Variants in MSRA observed in about 807,000 individuals in gnomAD.
MSRA encodes mitochondrial peptide methionine sulfoxide reductase.
A neutral mutation model predicts 31.3 loss-of-function variants in MSRA; 54 were observed. The ratio of observed to expected loss-of-function variants is 1.73; its 90% CI spans 1.39 to 2.17. MSRA has a LOEUF of 2.17. MSRA is among the 30% of genes most tolerant of loss of function. The probability of loss-of-function intolerance (pLI) is 0.00; values close to 1 mark genes in which losing one functional copy is unlikely to be tolerated. For missense variants in MSRA, 507 were observed against 300.9 expected (o/e 1.69, Z -5.07); for synonymous variants, 169 against 116.5 (o/e 1.45, Z -2.90).
intron 4 of MSRA, 83 bp downstream of exon 4, chr8:10,301,721 G>T (rs1401441419): frequency 8.9e-7 from 1 of 1,121,770 alleles, no homozygotes; most frequent in South Asian, 1.4e-5. Flanking sequence ...TGGAAGAGAT[G>T]AACCTTGAAA....
chr8:10,153,839 A>G (rs191807197), intron 1 of MSRA, among the ~76,000 whole-genome samples: 42 of 152,334 alleles, frequency 2.8e-4, no homozygotes, highest in Admixed American at 1.0e-3. Context: ...TCATATTCTT[A>G]ATTTCAATCC....
chr8:10,365,702 G>T (rs1292295689), intron 5 of MSRA, among the ~76,000 whole-genome samples: 1 of 152,218 alleles, frequency 6.6e-6, no homozygotes, highest in Non-Finnish European at 1.5e-5. Context: ...GTTTCAGGGA[G>T]AAGGGATCAC....
chr8:10,072,752 A>C (rs1264492089), intron 1 of MSRA, among the ~76,000 whole-genome samples: 1 of 152,226 alleles, frequency 6.6e-6, no homozygotes, highest in Non-Finnish European at 1.5e-5. Context: ...CCATTTATTT[A>C]AGTTGCCTTC....
intron 3 of MSRA, among the ~76,000 whole-genome samples, chr8:10,292,485 T>C (rs970710394): frequency 1.3e-5 from 2 of 152,172 alleles, no homozygotes; most frequent in Non-Finnish European, 2.9e-5. Flanking sequence ...AAACACCACT[T>C]TTTGCATCTC....
chr8:10,228,620 TGTTTCCAGGGAG>T, intron 2 of MSRA, among the ~76,000 whole-genome samples: 1 of 152,292 alleles, frequency 6.6e-6, no homozygotes, highest in Middle Eastern at 3.4e-3. Context: ...CTTCTGACGT[TGTTTCCAGGGAG>T]GTATAGCAGA....
At chr8:10,271,480 G>A (rs1414184565) in intron 3 of MSRA, among the ~76,000 whole-genome samples, 3 of 9,822 alleles carry the variant, frequency 3.1e-4, no homozygotes, top group Non-Finnish European at 8.5e-4. Context: ...AACTTTTTTA[G>A]GGTGACAATA....
In MSRA at chr8:10,094,526, A is replaced by G. The variant is rs559983103; in HGVS notation, c.142+39868A>G. Among the ~76,000 whole-genome samples, 10 of 152,390 alleles carry G rather than the reference A, an allele frequency of 6.6e-5. No homozygotes were observed. The South Asian group carries it at 1.4e-3, about 22-fold the overall frequency. On this transcript the variant is annotated intron_variant, in intron 1 of 5. Transcript: ENST00000317173. The stretch of plus-strand genomic sequence containing the variant: ...AGTCACTGATTTTCATAAGTGGTAA[A>G]TGAGCAAACTGAGGAGATTAGATAG...
At chr8:10,420,939 C>T (rs1372204852) in intron 5 of MSRA, among the ~76,000 whole-genome samples, 1 of 151,286 alleles carries the variant, frequency 6.6e-6, no homozygotes, top group African/African-American at 2.4e-5. Context: ...CCAAGCTGCA[C>T]TGAGCCCTGA....
intron 5 of MSRA, among the ~76,000 whole-genome samples, chr8:10,324,178 T>G (rs1802226773): frequency 6.6e-6 from 1 of 152,194 alleles, no homozygotes; most frequent in Non-Finnish European, 1.5e-5. Context: ...GCACTTGAAA[T>G]AGTGGCTCAC....
intron 5 of MSRA, among the ~76,000 whole-genome samples, chr8:10,373,495 C>T (rs1585615317): frequency 6.6e-6 from 1 of 152,378 alleles, no homozygotes; most frequent in East Asian, 1.9e-4. Context: ...CCTTGGCCTC[C>T]GAAAGTGCTG....
At chr8:10,176,910 C>G (rs1806102486) in intron 1 of MSRA, among the ~76,000 whole-genome samples, 1 of 152,128 alleles carries the variant, frequency 6.6e-6, no homozygotes, top group Non-Finnish European at 1.5e-5. Context: ...GGAAATGGCC[C>G]TAAATAATTT....
intron 1 of MSRA, among the ~76,000 whole-genome samples, chr8:10,111,829 C>T (rs1800311339): frequency 6.6e-6 from 1 of 152,200 alleles, no homozygotes; most frequent in Admixed American, 6.5e-5. Context: ...CACGCTGTCT[C>T]ATGTAGGTCT....
chr8:10,266,848 T>C (rs1798773850), intron 3 of MSRA, among the ~76,000 whole-genome samples: 2 of 152,314 alleles, frequency 1.3e-5, no homozygotes, highest in Middle Eastern at 6.8e-3. Context: ...AGAAGTCTTC[T>C]ACCAGTACTG....
At chr8:10,059,567 A>G (rs531157013) in intron 1 of MSRA, among the ~76,000 whole-genome samples, 3 of 152,358 alleles carry the variant, frequency 2.0e-5, no homozygotes, top group East Asian at 1.9e-4. Context: ...GAGGAAAGCC[A>G]TGACTTAACC....
chr8:10,279,045 C>A (rs1799476911), intron 3 of MSRA, among the ~76,000 whole-genome samples: 1 of 152,144 alleles, frequency 6.6e-6, no homozygotes, highest in South Asian at 2.1e-4. Flanking sequence ...TCATTTAGGT[C>A]ATTGATTATC....
At chr8:10,333,350 G>A (rs2129145181) in intron 5 of MSRA, among the ~76,000 whole-genome samples, 1 of 152,256 alleles carries the variant, frequency 6.6e-6, no homozygotes, top group Non-Finnish European at 1.5e-5. Context: ...GAAAACTGCA[G>A]AGAATGTTTG....
intron 5 of MSRA, among the ~76,000 whole-genome samples, chr8:10,422,476 C>A (rs902557064): frequency 6.6e-6 from 1 of 152,220 alleles, no homozygotes. Flanking sequence ...GAGAAAAACA[C>A]AAATGACCAA....
chr8:10,265,004 T>A (rs989322451), intron 3 of MSRA, among the ~76,000 whole-genome samples: 3 of 152,120 alleles, frequency 2.0e-5, no homozygotes, highest in African/African-American at 7.2e-5. Flanking sequence ...AAGTGACTGT[T>A]CAGATTAGGT....
At chr8:10,100,366 C>T (rs1307451879) in intron 1 of MSRA, among the ~76,000 whole-genome samples, 1 of 152,146 alleles carries the variant, frequency 6.6e-6, no homozygotes, top group Non-Finnish European at 1.5e-5. Flanking sequence ...TGCCCAAGCC[C>T]TGTGCCTTGA....
Sources: allele counts gnomAD v4.1 joint callset (sites outside exome capture counted in the v4.1 genomes callset), GRCh38; gene constraint gnomAD v4.1.1; transcripts MANE v1.5; gene names NCBI Gene and HGNC (gene_info 2026-07-23, HGNC 2026-07-21).